The following HYAL3 variants were observed in gnomAD, a reference collection of about 807,000 sequenced individuals.
HYAL3 encodes the protein hyaluronidase 3.
HYAL3 carries 25 observed loss-of-function variants against 29.6 expected under a neutral mutation model. That is an observed-to-expected ratio of 0.85 (90% CI 0.62 to 1.18). The LOEUF (loss-of-function observed/expected upper bound fraction) is 1.18, where lower values mean the gene tolerates loss of function less well. Ranked by LOEUF, HYAL3 falls within the 50% of genes most tolerant of loss-of-function variation. The pLI is 0.00. For missense variants in HYAL3, 442 were observed against 548.4 expected, an observed-to-expected ratio of 0.81 and a Z score of 1.94; for synonymous variants, 215 against 218.3, an observed-to-expected ratio of 0.99 and a Z score of 0.13.
Position 50,295,044 on chromosome 3 carries a change from C to T in HYAL3, c.559G>A (p.Val187Met), listed in dbSNP as rs371570914. The T allele has an allele frequency of 3.1e-6, 5 of 1,613,344 alleles. No individual in the cohort carries two copies. In the African/African-American group the frequency reaches 5.3e-5, roughly 17 times the overall value. Residue 187 changes from valine to methionine, a missense_variant, in exon 2 of 4, where the codon GTG becomes ATG. Coordinates refer to ENST00000336307, the MANE Select transcript of HYAL3 (RefSeq NM_003549.4). ...ARALMEDTLR[V>M]AQALRPHGLW... ...CCATGGGGCCGTAGTGCCTGGGCCA[C>T]CCGCAGCGTATCCTCCATCAGTGCA...
chr3:50,298,116 AC>A, intron 1 of HYAL3: 3 of 984,620 alleles, frequency 3.0e-6, no homozygotes, highest in Non-Finnish European at 3.6e-6. Flanking sequence ...CAAAGCAGAC[AC>A]TATACCCCCT....
chr3:50,298,241 G>A (rs1701942605), intron 1 of HYAL3, among the ~76,000 whole-genome samples: 1 of 152,070 alleles, frequency 6.6e-6, no homozygotes, highest in Non-Finnish European at 1.5e-5. Flanking sequence ...TCAACTACCT[G>A]GGCTATGCCC....
intron 1 of HYAL3, 59 bp from the exon 2 acceptor site, chr3:50,295,678 T>C: frequency 7.1e-7 from 1 of 1,406,642 alleles, no homozygotes. Flanking sequence ...ACCTTCCACA[T>C]GGCAGGGAAA....
In HYAL3 at chr3:50,297,040, C is replaced by A. The variant is rs1701878686; in HGVS notation, c.-17-1421G>T. 8 of 1,537,052 alleles carry A rather than the reference C, an allele frequency of 5.2e-6. No homozygotes were observed. The South Asian group carries it at 1.0e-4, about 20-fold the overall frequency. ...CGGCCCCTCAGGGCCCGGGCCACCA[C>A]CACTGTCTCCACTAAGAGGCTCTGG... is the stretch of plus-strand genomic sequence containing the variant. On this transcript the variant is annotated intron_variant, in intron 1 of 3. Transcript: ENST00000336307. This position sits in a 1 kb window ranked among gnomAD's most constrained non-coding sequence, Gnocchi z 4.3.
chr3:50,295,443 C>G lies in HYAL3; in HGVS notation c.160G>C (p.Ala54Pro), dbSNP rs782349454. The G allele has an allele frequency of 1.2e-6, 2 of 1,614,178 alleles. No individual in the cohort carries two copies. Among genetic ancestry groups the G allele is most frequent in the Non-Finnish European group, 1.7e-6 (2 of 1,180,022 alleles). Residue 54 changes from alanine to proline, a missense_variant, in exon 2 of 4, where the codon GCT becomes CCT. Ala to Pro is a conservative substitution (Grantham distance 27, BLOSUM62 -1). Transcript: ENST00000336307. ...CCACGGTTGGCTATGATGCCCAGAG[C>G]ATTGAGTGGCAGGTGCACACCAAAG... ...ARFGVHLPLN[A>P]LGIIANRGQH...
At position 50,297,308 on chromosome 3, in the gene HYAL3, G is replaced by T; in HGVS notation, c.-17-1689C>A. ...TCAACTCAGCCAGGCTAGGAGCTGGGGTCTCCTCTGGCTGGTGTTCAGGAT... is the reference window on the plus strand; with the variant it reads ...TCAACTCAGCCAGGCTAGGAGCTGGTGTCTCCTCTGGCTGGTGTTCAGGAT... On this transcript the variant is annotated intron_variant, in intron 1 of 3. Coordinates refer to ENST00000336307, the MANE Select transcript of HYAL3 (RefSeq NM_003549.4). The surrounding 1 kb of genome is among the most constrained non-coding windows in gnomAD (Gnocchi z 4.3). 6.2e-7 allele frequency: 1 copy of T among 1,605,104 alleles called. No individual in the cohort carries two copies. The highest frequency in any genetic ancestry group is 8.5e-7 in the Non-Finnish European group (1 of 1,174,144).
chr3:50,295,962 A>C (rs1417192184), intron 1 of HYAL3, among the ~76,000 whole-genome samples: 2 of 152,076 alleles, frequency 1.3e-5, no homozygotes, highest in Non-Finnish European at 2.9e-5. Flanking sequence ...TCCCTCTTCC[A>C]AGAACAGTCA....
chr3:50,296,917 A>G lies in HYAL3; in HGVS notation c.-17-1298T>C, dbSNP rs1174344957. On this transcript the variant is annotated intron_variant, in intron 1 of 3. Transcript: ENST00000336307. ...CCCAGCTGGTAGCCCAGGTGGGTAT[A>G]GAAGTGCACCTGGTCATGGGTGGTG... 3 of 1,609,734 alleles carry G rather than the reference A, an allele frequency of 1.9e-6. No individual in the cohort carries two copies. In the Admixed American group the frequency reaches 5.1e-5, roughly 27 times the overall value.
Position 50,292,902 on chromosome 3 carries a change from G to A in HYAL3, c.*344C>T. ...TTAGCACTTTACCGACCTTCGCCAA[G>A]ATTTTTTGGGGCCCATCTGCCCGTG... On this transcript the variant is annotated 3_prime_UTR_variant, in exon 4 of 4. Transcript: ENST00000336307. The A allele has an allele frequency of 6.7e-7, 1 of 1,500,322 alleles. No homozygotes were observed. Among genetic ancestry groups the A allele is most frequent in the Non-Finnish European group, 8.9e-7 (1 of 1,117,774 alleles). 92.9% of individuals were successfully genotyped at this position (1,500,322 alleles called of 1,614,324 possible). A position where few individuals can be genotyped will look rare whatever the true frequency, so the allele number is the denominator to read the frequency against.
At position 50,297,210 on chromosome 3, in the gene HYAL3, C is replaced by T. The variant is rs1195074527; in HGVS notation, c.-17-1591G>A. On this transcript the variant is annotated intron_variant, in intron 1 of 3. Transcript: ENST00000336307. This position sits in a 1 kb window ranked among gnomAD's most constrained non-coding sequence, Gnocchi z 4.3. The stretch of plus-strand genomic sequence containing the variant: ...GGAGTGCAGGCGGGAGGTGCGGCTG[C>T]GGGGCCACTGATCATTGATGAGGTC... 8.7e-6 allele frequency: 14 copies of T among 1,612,480 alleles called. No homozygotes were observed. Among genetic ancestry groups the T allele is most frequent in the Admixed American group, 6.7e-5 (4 of 59,876 alleles).
At chr3:50,298,013 C>G (rs1467480685) in intron 1 of HYAL3, 1 of 986,320 alleles carries the variant, frequency 1.0e-6, no homozygotes, top group African/African-American at 1.7e-5. Context: ...CTGTAACCAC[C>G]AGGTCTATAA....
In HYAL3 at chr3:50,295,447, G is replaced by C. The variant is rs1553710923; in HGVS notation, c.156C>G (p.Leu52=). The change falls in exon 2 of 4, where the codon CTC becomes CTG. Residue 52 remains leucine (L), a synonymous_variant. Transcript: ENST00000336307. ...GGTTGGCTATGATGCCCAGAGCATT[G>C]AGTGGCAGGTGCACACCAAAGCGGG... ...CEARFGVHLP[L]NALGIIANRG... The C allele has an allele frequency of 1.2e-6, 2 of 1,614,170 alleles. No individual in the cohort carries two copies. Among genetic ancestry groups the C allele is most frequent in the South Asian group, 1.1e-5 (1 of 91,088 alleles).
rs1421402103 is a variant in HYAL3, at chr3:50,298,893, G to A, written c.-18+320C>T. 4.5e-5 allele frequency: 60 copies of A among 1,340,754 alleles called. No homozygotes were observed. The Admixed American group carries it at 1.8e-3, about 41-fold the overall frequency. 83.1% of individuals were successfully genotyped at this position (1,340,754 alleles called of 1,614,324 possible). ...GGAAGCCCCAGGATCCGCCCCTAGG[G>A]CTGAGCCCGGGGCTTCCCCGCGGCC... On this transcript the variant is annotated intron_variant, in intron 1 of 3. Coordinates refer to ENST00000336307, the MANE Select transcript of HYAL3 (RefSeq NM_003549.4).
At chr3:50,298,717 TC>T (rs2109296963) in intron 1 of HYAL3, 1 of 990,390 alleles carries the variant, frequency 1.0e-6, no homozygotes, top group African/African-American at 1.7e-5. Context: ...GCCTCCTGGC[TC>T]CCCTTACCTC....
In HYAL3 at chr3:50,297,467, G is replaced by A; in HGVS notation, c.-18+1746C>T. On this transcript the variant is annotated intron_variant, in intron 1 of 3. Coordinates refer to ENST00000336307, the MANE Select transcript of HYAL3 (RefSeq NM_003549.4). This position sits in a 1 kb window ranked among gnomAD's most constrained non-coding sequence, Gnocchi z 4.3. The stretch of plus-strand genomic sequence containing the variant: ...TGGTACTCAGGATCAGCTCCATCCG[G>A]TGTGTAGGGTCTAGTGTAGGGGTCA... The A allele has an allele frequency of 1.3e-6, 2 of 1,596,028 alleles. No individual in the cohort carries two copies. Among genetic ancestry groups the A allele is most frequent in the Non-Finnish European group, 1.7e-6 (2 of 1,169,730 alleles).
At position 50,294,572 on chromosome 3, in the gene HYAL3, C is replaced by T. The variant is rs1030129392; in HGVS notation, c.894+137G>A. The T allele has an allele frequency of 1.1e-5, 7 of 644,250 alleles. No homozygotes were observed. In the African/African-American group the frequency reaches 1.3e-4, roughly 12 times the overall value. The allele number at this position is 644,250 out of a possible 1,614,324, so 39.9% of individuals were successfully genotyped here. On this transcript the variant is annotated intron_variant, in intron 2 of 3. Transcript: ENST00000336307. ...CAGGGCAAAGCCATGCCTCCCTCAT[C>T]AGATGCTCCAGGACAGGGCCTTCCG... is the stretch of plus-strand genomic sequence containing the variant.
chr3:50,295,004 T>C lies in HYAL3; in HGVS notation c.599A>G (p.Tyr200Cys), dbSNP rs782134203. 1.2e-6 allele frequency: 2 copies of C among 1,613,358 alleles called. No individual in the cohort carries two copies. The highest frequency in any genetic ancestry group is 1.7e-5 in the Admixed American group (1 of 60,016). ...GCCATTGCCACAGGCTGGGTAGTGATAGAAGCCCCAGAGTCCATGGGGCCG... is the reference window on the plus strand; with the variant it reads ...GCCATTGCCACAGGCTGGGTAGTGACAGAAGCCCCAGAGTCCATGGGGCCG... ...ALRPHGLWGF[Y>C]HYPACGNGWH... The change falls in exon 2 of 4, where the codon TAT becomes TGT. Residue 200 changes from tyrosine (Y) to cysteine (C), a missense_variant. Physicochemically the swap from Tyr to Cys is radical, Grantham distance 194 (BLOSUM62 -2). Coordinates refer to ENST00000336307, the MANE Select transcript of HYAL3 (RefSeq NM_003549.4).
chr3:50,296,851 G>A, intron 1 of HYAL3: 5 of 1,589,142 alleles, frequency 3.1e-6, no homozygotes, highest in Non-Finnish European at 4.3e-6. Flanking sequence ...AGGGTGGCAG[G>A]CAGCCGTCTG....
chr3:50,294,672 T>C, intron 2 of HYAL3, 37 bp downstream of exon 2: 1 of 1,478,340 alleles, frequency 6.8e-7, no homozygotes, highest in Non-Finnish European at 9.0e-7. Context: ...GGGCCATACC[T>C]CCTGACTCAG....
Sources: allele counts gnomAD v4.1 joint callset (sites outside exome capture counted in the v4.1 genomes callset), GRCh38; gene constraint gnomAD v4.1.1; non-coding constraint Gnocchi (gnomAD v3.1); transcripts MANE v1.5; gene names NCBI Gene and HGNC (gene_info 2026-07-23, HGNC 2026-07-21).